SLC6A12: variants seen among roughly 807,000 people sequenced by gnomAD.
SLC6A12 encodes the protein solute carrier family 6 member 12.
A neutral mutation model predicts 73.3 loss-of-function variants in SLC6A12; 50 were observed. The observed-to-expected ratio is 0.68, with a 90% CI of 0.54 to 0.86. SLC6A12 has a LOEUF of 0.86. Among genes scored for constraint, SLC6A12 ranks in the 40% least tolerant of loss-of-function variants. The pLI is 0.00. For synonymous variants in SLC6A12, 304 were observed against 309.2 expected, an observed-to-expected ratio of 0.98 and a Z score of 0.18; for missense variants, 648 against 772.8, an observed-to-expected ratio of 0.84 and a Z score of 1.92.
chr12:195,168 G>A (rs1939802740), intron 13 of SLC6A12, 57 bp downstream of exon 13: 2 of 1,130,936 alleles, frequency 1.8e-6, no homozygotes, highest in East Asian at 4.7e-5. Flanking sequence ...CCTGCCCCTG[G>A]CTGGCTAGAC....
In SLC6A12 at chr12:191,002, C is replaced by T; in HGVS notation, c.*66G>A. The T allele has an allele frequency of 8.1e-7, 1 of 1,232,214 alleles. No individual in the cohort carries two copies. Among genetic ancestry groups the T allele is most frequent in the Non-Finnish European group, 1.0e-6 (1 of 971,552 alleles). 76.3% of individuals were successfully genotyped at this position (1,232,214 alleles called of 1,614,324 possible). A position where few individuals can be genotyped will look rare whatever the true frequency, so the allele number is the denominator to read the frequency against. On this transcript the variant is annotated 3_prime_UTR_variant, in exon 16 of 16. Transcript: ENST00000684302. ...AGGAGACAGAGGCAGAGGCTGTCCG[C>T]TGAGAATGGAGGGTGGCCCTGACCT...
chr12:202,119 C>T (rs113742315), intron 5 of SLC6A12, among the ~76,000 whole-genome samples: 5 of 152,278 alleles, frequency 3.3e-5, no homozygotes, highest in African/African-American at 9.6e-5. Flanking sequence ...CCCTCATGGG[C>T]GGCTGGTACG....
At chr12:189,287 G>A (rs1014634901), downstream of SLC6A12, among the ~76,000 whole-genome samples, 4 of 152,198 alleles carry the variant, frequency 2.6e-5, no homozygotes, top group Admixed American at 6.5e-5. Context: ...GCCGCAGACA[G>A]CGCTGCGCCG....
At position 192,453 on chromosome 12, in the gene SLC6A12, G is replaced by C. The variant is rs1269752898; in HGVS notation, c.1701+25C>G. 4 of 1,610,578 alleles carry C rather than the reference G, an allele frequency of 2.5e-6. No individual in the cohort carries two copies. In the African/African-American group the frequency reaches 4.0e-5, roughly 16 times the overall value. On this transcript the variant is annotated intron_variant, in intron 15 of 15. Coordinates refer to ENST00000684302, the MANE Select transcript of SLC6A12 (RefSeq NM_001122848.3). ...CCTCTCTCAGTGCCCTCCTTTAAGA[G>C]GTCACTCTCCCCTACACCACCTACC...
intron 4 of SLC6A12, 53 bp downstream of exon 4, chr12:204,511 G>A: frequency 2.6e-6 from 4 of 1,556,650 alleles, no homozygotes; most frequent in East Asian, 4.5e-5. Context: ...ACCATGGGGG[G>A]ATGCAGGCAA....
chr12:200,689 A>G lies in SLC6A12; in HGVS notation c.673T>C (p.Tyr225His). 1 of 1,614,148 alleles carries G rather than the reference A, an allele frequency of 6.2e-7. No individual in the cohort carries two copies. Among genetic ancestry groups the G allele is most frequent in the Non-Finnish European group, 8.5e-7 (1 of 1,180,026 alleles). Residue 225 changes from tyrosine to histidine, a missense_variant, in exon 7 of 16, where the codon TAT becomes CAT. Tyr to His is a moderately conservative substitution (Grantham distance 83, BLOSUM62 2). Transcript: ENST00000684302. ...LCLLLAWVIC[Y>H]FCIWKGVKST... is the part of the protein sequence containing the mutation. ...TTGACCCCCTTCCAGATGCAGAAAT[A>G]GCAGATGACCCAGGCGAGCAGGAGG...
intron 3 of SLC6A12, among the ~76,000 whole-genome samples, chr12:209,395 C>G (rs1026759478): frequency 6.6e-6 from 1 of 152,144 alleles, no homozygotes; most frequent in African/African-American, 2.4e-5. Context: ...GGGTGGCACA[C>G]GGAATGTGTT....
At chr12:200,623 G>A (rs376510830) in intron 7 of SLC6A12, 28 bp downstream of exon 7, 29 of 1,610,442 alleles carry the variant, frequency 1.8e-5, no homozygotes, top group Non-Finnish European at 2.3e-5. Context: ...GGGCCAAAGG[G>A]AGCTTCCCAG....
At chr12:209,033 C>T (rs920103082) in intron 3 of SLC6A12, among the ~76,000 whole-genome samples, 1 of 152,150 alleles carries the variant, frequency 6.6e-6, no homozygotes, top group African/African-American at 2.4e-5. Flanking sequence ...ATCCCTGTGA[C>T]CTCTCTGCCC....
intron 11 of SLC6A12, 80 bp downstream of exon 11, chr12:196,690 G>T: frequency 2.0e-6 from 2 of 984,548 alleles, no homozygotes; most frequent in African/African-American, 1.6e-5. Context: ...GAGTGGGAGT[G>T]AGGGGAAAGT....
At position 198,567 on chromosome 12, in the gene SLC6A12, CTAAG is replaced by C. The variant is rs1484577455; in HGVS notation, c.846+226_846+229del. ...GGACAGAGCCAGACCCTGCCTGTCTCTAAGTAAGAGAAAAAAAATTTTTTAAGAA... is the reference window on the plus strand; with the variant it reads ...GGACAGAGCCAGACCCTGCCTGTCTCTAAGAGAAAAAAAATTTTTTAAGAA... On this transcript the variant is annotated intron_variant, in intron 8 of 15. Transcript: ENST00000684302. This position sits in a 1 kb window ranked among gnomAD's most constrained non-coding sequence, Gnocchi z 4.0. The C allele has an allele frequency of 1.6e-5, 7 of 432,730 alleles. No homozygotes were observed. The Admixed American group carries it at 2.7e-4, about 17-fold the overall frequency. 26.8% of individuals were successfully genotyped at this position (432,730 alleles called of 1,614,324 possible). A position where few individuals can be genotyped will look rare whatever the true frequency, so the allele number is the denominator to read the frequency against.
intron 3 of SLC6A12, 67 bp from the exon 4 acceptor site, chr12:204,765 C>CCCT (rs1940540280): frequency 3.2e-6 from 5 of 1,570,176 alleles, no homozygotes; most frequent in Non-Finnish European, 4.3e-6. Flanking sequence ...TCCTTTCAGA[C>CCCT]CCTCCTCCCC....
At chr12:212,823 C>T (rs1165608846) in intron 1 of SLC6A12, among the ~76,000 whole-genome samples, 3 of 152,186 alleles carry the variant, frequency 2.0e-5, no homozygotes, top group Non-Finnish European at 2.9e-5. Context: ...CCTCCAGCTT[C>T]GGCTGGCCGC....
chr12:186,152 G>A (rs1565460737), downstream of SLC6A12, among the ~76,000 whole-genome samples: 1 of 152,084 alleles, frequency 6.6e-6, no homozygotes, highest in African/African-American at 2.4e-5. Flanking sequence ...GGGGGCTGAG[G>A]GACGCCTCTG....
At chr12:203,126 GCA>G (rs1348446829) in intron 4 of SLC6A12, 2 of 253,110 alleles carry the variant, frequency 7.9e-6, no homozygotes, top group Non-Finnish European at 1.4e-5. Context: ...GAGTGCAGTG[GCA>G]CAGTCTCGGC....
Position 196,202 on chromosome 12 carries a change from C to T in SLC6A12, c.1248G>A (p.Arg416=), listed in dbSNP as rs1274556531. ...TGAGGAGCTCGCGCCGCCCGCTCTT[C>T]CGGAGCTGCCTGGGGAACATGTCTA... The part of the protein sequence containing the change: ...ASIDMFPRQL[R]KSGRRELLIL... The change falls in exon 12 of 16, where the codon CGG becomes CGA. Residue 416 remains arginine, a synonymous_variant. Coordinates refer to ENST00000684302, the MANE Select transcript of SLC6A12 (RefSeq NM_001122848.3). The T allele has an allele frequency of 6.3e-7, 1 of 1,593,588 alleles. No individual in the cohort carries two copies. Among genetic ancestry groups the T allele is most frequent in the African/African-American group, 1.3e-5 (1 of 74,840 alleles).
chr12:200,210 G>A (rs562847431), intron 7 of SLC6A12, among the ~76,000 whole-genome samples: 15 of 144,860 alleles, frequency 1.0e-4, no homozygotes, highest in East Asian at 6.2e-4. Flanking sequence ...CCGGGTTCAC[G>A]CCATTCTCCT....
In SLC6A12 at chr12:198,872, A is replaced by G. The variant is rs1302302300; in HGVS notation, c.771T>C (p.Gly257=). 3 of 1,614,098 alleles carry G rather than the reference A, an allele frequency of 1.9e-6. No homozygotes were observed. In the Admixed American group the frequency reaches 5.0e-5, roughly 27 times the overall value. ...CCTGGTAGGCTCCGGGAAGGGTGAC[A>G]CCTCTGATCAGCAAAATGACAAGCA... The part of the protein sequence containing the change: ...YLMLVILLIR[G]VTLPGAYQGI... Residue 257 remains glycine, a synonymous_variant, in exon 8 of 16, where the codon GGT becomes GGC. Coordinates refer to ENST00000684302, the MANE Select transcript of SLC6A12 (RefSeq NM_001122848.3). This position sits in a 1 kb window ranked among gnomAD's most constrained non-coding sequence, Gnocchi z 4.0.
At chr12:184,443 G>A in the SLC6A12 span, among the ~76,000 whole-genome samples, 1 of 151,998 alleles carries the variant, frequency 6.6e-6, no homozygotes, top group Non-Finnish European at 1.5e-5. Context: ...TGGCCAACAT[G>A]GCAAAACCTC....
Sources: gnomAD v4.1 joint callset for allele counts (sites outside exome capture counted in the v4.1 genomes callset) on GRCh38, gnomAD v4.1.1 for gene constraint, Gnocchi (gnomAD v3.1) non-coding constraint, MANE v1.5 for transcripts, NCBI Gene and HGNC (gene_info 2026-07-23, HGNC 2026-07-21) for gene names.